CLCA1: variants seen among roughly 807,000 people sequenced by gnomAD.
CLCA1 encodes the protein chloride channel accessory 1.
In CLCA1, 59 loss-of-function variants were observed where a neutral mutation model predicts 85.6. The observed-to-expected ratio is 0.69, with a 90% confidence interval of 0.56 to 0.86. CLCA1 has a LOEUF of 0.86. Among genes scored for constraint, CLCA1 ranks in the 40% least tolerant of loss-of-function variants. The probability of loss-of-function intolerance (pLI) is 0.00; values close to 1 mark genes in which losing one functional copy is unlikely to be tolerated. For synonymous variants in CLCA1, 396 were observed against 398.3 expected (o/e 0.99, Z 0.07); for missense variants, 1,022 against 1,101.4 (o/e 0.93, Z 1.02).
At chr1:86,490,385 A>C (rs1351170631) in intron 8 of CLCA1, among the ~76,000 whole-genome samples, 1 of 152,196 alleles carries the variant, frequency 6.6e-6, no homozygotes, top group Admixed American at 6.5e-5. Flanking sequence ...TTTCACATCA[A>C]CTAACTTAGT....
At chr1:86,476,950 C>T (rs1242004355) in intron 4 of CLCA1, among the ~76,000 whole-genome samples, 1 of 152,202 alleles carries the variant, frequency 6.6e-6, no homozygotes, top group Non-Finnish European at 1.5e-5. Flanking sequence ...TACTCTGTCA[C>T]CCAGGCTGGA....
chr1:86,482,408 C>A, intron 5 of CLCA1, 26 bp downstream of exon 5: 10 of 1,596,662 alleles, frequency 6.3e-6, no homozygotes, highest in Non-Finnish European at 8.5e-6. Context: ...TCACCCCCTC[C>A]CCCAGATTCT....
intron 1 of CLCA1, among the ~76,000 whole-genome samples, chr1:86,470,748 A>ATGT (rs1570277219): frequency 6.6e-6 from 1 of 152,130 alleles, no homozygotes; most frequent in Non-Finnish European, 1.5e-5. Flanking sequence ...TTCCTATTTG[A>ATGT]TGTTCCAGAT....
intron 7 of CLCA1, 71 bp from the exon 8 acceptor site, chr1:86,488,925 G>A: frequency 1.5e-6 from 2 of 1,335,172 alleles, no homozygotes; most frequent in Non-Finnish European, 1.0e-6. Context: ...CTCCTTTCCT[G>A]TAAGCAGAAT....
At chr1:86,497,840 G>T (rs1648332374) in intron 12 of CLCA1, among the ~76,000 whole-genome samples, 1 of 152,170 alleles carries the variant, frequency 6.6e-6, no homozygotes, top group South Asian at 2.1e-4. Flanking sequence ...GCAGTCTGAG[G>T]TTTAAAACAC....
chr1:86,482,400 A>G lies in CLCA1; in HGVS notation c.735+18A>G. On this transcript the variant is annotated intron_variant, in intron 5 of 13. Coordinates refer to ENST00000394711, the MANE Select transcript of CLCA1 (RefSeq NM_001285.4). ...TTGATTCTGTAAGTACCTTGTTCTC[A>G]CCCCCTCCCCCAGATTCTTATGAAT... is the stretch of plus-strand genomic sequence containing the variant. The G allele has an allele frequency of 6.2e-7, 1 of 1,603,130 alleles. No homozygotes were observed.
At position 86,482,188 on chromosome 1, in the gene CLCA1, C is replaced by A; in HGVS notation, c.558-17C>A. 6.2e-7 allele frequency: 1 copy of A among 1,601,784 alleles called. No homozygotes were observed. Among genetic ancestry groups the A allele is most frequent in the South Asian group, 1.1e-5 (1 of 90,448 alleles). ...ATGACGACATCACCTAAACATCTAA[C>A]CTTCCTATATTTTCAGATGTTCAGC... is the stretch of plus-strand genomic sequence containing the variant. On this transcript the variant is annotated splice_polypyrimidine_tract_variant and intron_variant, in intron 4 of 13. Coordinates refer to ENST00000394711, the MANE Select transcript of CLCA1 (RefSeq NM_001285.4).
intron 8 of CLCA1, 115 bp downstream of exon 8, chr1:86,489,285 G>T: frequency 1.0e-6 from 1 of 955,510 alleles, no homozygotes; most frequent in Non-Finnish European, 1.5e-6. Flanking sequence ...AACCTAATTG[G>T]CTAACTAGCC....
chr1:86,479,289 G>C (rs1436355277), intron 4 of CLCA1, among the ~76,000 whole-genome samples: 1 of 152,098 alleles, frequency 6.6e-6, no homozygotes, highest in Admixed American at 6.5e-5. Context: ...TATGATAAAA[G>C]TAGAAACAAT....
At chr1:86,485,925 T>G (rs1175245809) in intron 6 of CLCA1, among the ~76,000 whole-genome samples, 3 of 152,022 alleles carry the variant, frequency 2.0e-5, no homozygotes, top group Admixed American at 6.5e-5. Context: ...GGAAAGAGGT[T>G]TAATCAACTC....
At chr1:86,474,187 G>C (rs1248509947) in intron 3 of CLCA1, among the ~76,000 whole-genome samples, 1 of 152,160 alleles carries the variant, frequency 6.6e-6, no homozygotes, top group African/African-American at 2.4e-5. Context: ...GATATGTAAG[G>C]AGACAACGGA....
At chr1:86,498,185 A>AGGAAGGAT (rs756756806) in intron 12 of CLCA1, among the ~76,000 whole-genome samples, 8 of 126,282 alleles carry the variant, frequency 6.3e-5, no homozygotes, top group African/African-American at 2.5e-4. Context: ...GAAGGAAGGA[A>AGGAAGGAT]GGATGGAAGG....
At position 86,493,407 on chromosome 1, in the gene CLCA1, C is replaced by G; in HGVS notation, c.1488C>G (p.Leu496=). Residue 496 remains leucine, a synonymous_variant, in exon 10 of 14, where the codon CTC becomes CTG. Coordinates refer to ENST00000394711, the MANE Select transcript of CLCA1 (RefSeq NM_001285.4). ...SIQLESKGLT[L]QNSQWMNGTV... ...AGCTTGAGAGTAAGGGATTAACCCTCCAGAACAGCCAGTGGATGAATGGCA... is the reference window on the plus strand; with the variant it reads ...AGCTTGAGAGTAAGGGATTAACCCTGCAGAACAGCCAGTGGATGAATGGCA... The G allele has an allele frequency of 2.5e-6, 4 of 1,613,942 alleles. No individual in the cohort carries two copies. The highest frequency in any genetic ancestry group is 3.4e-6 in the Non-Finnish European group (4 of 1,179,902).
intron 3 of CLCA1, 130 bp from the exon 4 acceptor site, chr1:86,476,318 G>T: frequency 1.7e-6 from 1 of 581,258 alleles, no homozygotes; most frequent in South Asian, 2.5e-5. Context: ...TAGATCTAAA[G>T]AAATCAAGTC....
intron 9 of CLCA1, among the ~76,000 whole-genome samples, chr1:86,492,939 A>G (rs887943460): frequency 2.0e-5 from 3 of 152,238 alleles, no homozygotes; most frequent in African/African-American, 7.2e-5. Flanking sequence ...AAAATCCTAT[A>G]GGAGATCAGA....
intron 4 of CLCA1, among the ~76,000 whole-genome samples, chr1:86,478,059 A>G (rs934950203): frequency 6.6e-6 from 1 of 152,120 alleles, no homozygotes; most frequent in African/African-American, 2.4e-5. Flanking sequence ...CTCTTTCTTT[A>G]TAACAGTCAG....
Position 86,491,254 on chromosome 1 carries a change from T to C in CLCA1, c.1358-11T>C, listed in dbSNP as rs1454554082. The C allele has an allele frequency of 2.5e-6, 4 of 1,591,590 alleles. No homozygotes were observed. Among genetic ancestry groups the C allele is most frequent in the Middle Eastern group, 1.7e-4 (1 of 5,998 alleles). ...TGGAAAATAATTTCTGAAAATGTAA[T>C]TGCATTTTAGGAGGTTTACAGACAT... On this transcript the variant is annotated splice_polypyrimidine_tract_variant and intron_variant, in intron 8 of 13. Coordinates refer to ENST00000394711, the MANE Select transcript of CLCA1 (RefSeq NM_001285.4).
In CLCA1 at chr1:86,469,014, C is replaced by T. The variant is rs760363228; in HGVS notation, c.43C>T (p.Leu15Phe). ...TTCTGTGTTCATCTTGATTCTTCAC[C>T]TTCTAGAAGGGGCCCTGAGTAATTC... Reference protein sequence around the residue: ...KSSVFILILHLLEGALSNSLI... With the variant: ...KSSVFILILHFLEGALSNSLI... The change falls in exon 1 of 14, where the codon CTT (leucine) becomes TTT (phenylalanine). Residue 15 changes from leucine (L) to phenylalanine (F), a missense_variant. Coordinates refer to ENST00000394711, the MANE Select transcript of CLCA1 (RefSeq NM_001285.4). 6.2e-7 allele frequency: 1 copy of T among 1,612,772 alleles called. No individual in the cohort carries two copies. Among genetic ancestry groups the T allele is most frequent in the Non-Finnish European group, 8.5e-7 (1 of 1,179,292 alleles).
At chr1:86,498,155 AAAGG>A (rs527701215) in intron 12 of CLCA1, among the ~76,000 whole-genome samples, 7,679 of 125,994 alleles carry the variant, frequency 0.061, 219 homozygotes, top group Middle Eastern at 0.076. Flanking sequence ...AAAAACAAAG[AAAGG>A]AAGGAAGGAA....
Sources: allele counts gnomAD v4.1 joint callset (sites outside exome capture counted in the v4.1 genomes callset), GRCh38; gene constraint gnomAD v4.1.1; transcripts MANE v1.5; gene names NCBI Gene and HGNC (gene_info 2026-07-23, HGNC 2026-07-21).